CNKSR3: variants seen among roughly 807,000 people sequenced by gnomAD.
CNKSR3 encodes CNKSR family member 3.
Under a neutral mutation model 67.7 loss-of-function variants are expected in CNKSR3, and 36 were observed. The observed-to-expected ratio is 0.53, with a 90% CI of 0.41 to 0.70. The LOEUF (loss-of-function observed/expected upper bound fraction) is 0.70, where lower values mean the gene tolerates loss of function less well. Ranked by LOEUF, CNKSR3 falls within the 30% of genes least tolerant of loss-of-function variation. The pLI is 0.00. For synonymous variants in CNKSR3, 281 were observed against 271.4 expected (o/e 1.04, Z -0.35); for missense variants, 630 against 695.2 (o/e 0.91, Z 1.05).
At chr6:154,450,393 A>G (rs1267378141) in intron 1 of CNKSR3, 135 bp from the exon 2 acceptor site, 2 of 838,376 alleles carry the variant, frequency 2.4e-6, no homozygotes, top group Admixed American at 2.8e-5. Context: ...TGTGAGGCCT[A>G]TTGCACCTGA....
At chr6:154,506,326 T>A (rs902246465) in intron 1 of CNKSR3, among the ~76,000 whole-genome samples, 1 of 150,592 alleles carries the variant, frequency 6.6e-6, no homozygotes, top group Admixed American at 6.6e-5. Context: ...AAGGAGGTAG[T>A]GAGGGAGGGA....
chr6:154,396,862 C>CAA lies in CNKSR3; in HGVS notation c.*9490_*9491dup, dbSNP rs1784666099. The CAA allele has an allele frequency of 6.6e-6, 1 of 151,074 alleles. No homozygotes were observed. The highest frequency in any genetic ancestry group is 2.4e-5 in the African/African-American group (1 of 41,040). 9.4% of individuals were successfully genotyped at this position (151,074 alleles called of 1,614,324 possible). On this transcript the variant is annotated 3_prime_UTR_variant, in exon 13 of 13. Coordinates refer to ENST00000607772, the MANE Select transcript of CNKSR3 (RefSeq NM_173515.4). ...TCTCCCAGGCTGGAGTGCAGTGGCG[C>CAA]AATCTCGGCTCACTGCAAGTTGCGC...
intron 4 of CNKSR3, 123 bp downstream of exon 4, chr6:154,441,169 A>G (rs1785572461): frequency 3.2e-6 from 2 of 632,536 alleles, no homozygotes; most frequent in African/African-American, 1.9e-5. Flanking sequence ...GCTCTGATGG[A>G]AAAAAAACTG....
chr6:154,415,966 G>C (rs375618570), intron 9 of CNKSR3, among the ~76,000 whole-genome samples: 1 of 152,152 alleles, frequency 6.6e-6, no homozygotes, highest in Non-Finnish European at 1.5e-5. Context: ...ACTGTGCCAA[G>C]CCCTGGGCAG....
chr6:154,436,223 G>C (rs371196741), intron 4 of CNKSR3, among the ~76,000 whole-genome samples: 1 of 152,228 alleles, frequency 6.6e-6, no homozygotes, highest in Non-Finnish European at 1.5e-5. Context: ...CCAGGCTGCA[G>C]TGCAGTGGCA....
At chr6:154,436,843 C>T (rs1785481264) in intron 4 of CNKSR3, among the ~76,000 whole-genome samples, 1 of 152,122 alleles carries the variant, frequency 6.6e-6, no homozygotes, top group African/African-American at 2.4e-5. Context: ...GAAGATCTAT[C>T]CTTGTACTTG....
At chr6:154,455,746 A>T (rs1785939642) in intron 1 of CNKSR3, among the ~76,000 whole-genome samples, 1 of 152,208 alleles carries the variant, frequency 6.6e-6, no homozygotes, top group African/African-American at 2.4e-5. Flanking sequence ...TATACAAATA[A>T]GCAACTAAAC....
chr6:154,420,213 A>G (rs1323327699), intron 9 of CNKSR3, among the ~76,000 whole-genome samples: 1 of 131,036 alleles, frequency 7.6e-6, no homozygotes, highest in African/African-American at 3.0e-5. Flanking sequence ...GATCTCACTT[A>G]TATGTGGAAT....
At chr6:154,442,741 C>G (rs1785626201) in intron 2 of CNKSR3, among the ~76,000 whole-genome samples, 1 of 152,178 alleles carries the variant, frequency 6.6e-6, no homozygotes, top group Admixed American at 6.5e-5. Context: ...GATCTATCCC[C>G]AGCCCACTTC....
chr6:154,504,279 C>T (rs570660724), intron 1 of CNKSR3, among the ~76,000 whole-genome samples: 1 of 152,352 alleles, frequency 6.6e-6, no homozygotes, highest in South Asian at 2.1e-4. Context: ...AGTTCTGCCC[C>T]GGATCCTCTG....
At position 154,406,239 on chromosome 6, in the gene CNKSR3, A is replaced by G. The variant is rs112354497; in HGVS notation, c.*115T>C. 3 of 980,906 alleles carry G rather than the reference A, an allele frequency of 3.1e-6. No homozygotes were observed. The highest frequency in any genetic ancestry group is 5.3e-5 in the East Asian group (2 of 37,976). The allele number at this position is 980,906 out of a possible 1,614,324, so 60.8% of individuals were successfully genotyped here. On this transcript the variant is annotated 3_prime_UTR_variant, in exon 13 of 13. Transcript: ENST00000607772. Reference sequence around the variant, plus strand: ...CAGTAGATAACTTTTCAAAAGAAAAAGAAATTGCATAAGGTCCCTACATAA... The same window carrying G: ...CAGTAGATAACTTTTCAAAAGAAAAGGAAATTGCATAAGGTCCCTACATAA...
chr6:154,390,059 T>C lies in CNKSR3; in HGVS notation c.*16295A>G, dbSNP rs1000106523. ...ATCATCAGTCCACACATATCCCTCT[T>C]TTATTTCATTTCATTTTGAAAATAA... is the stretch of plus-strand genomic sequence containing the variant. On this transcript the variant is annotated 3_prime_UTR_variant, in exon 13 of 13. Coordinates refer to ENST00000607772, the MANE Select transcript of CNKSR3 (RefSeq NM_173515.4). 6.6e-6 allele frequency: 1 copy of C among 152,210 alleles called. No individual in the cohort carries two copies. The highest frequency in any genetic ancestry group is 1.5e-5 in the Non-Finnish European group (1 of 68,026). The allele number at this position is 152,210 out of a possible 1,614,324, so 9.4% of individuals were successfully genotyped here. A position where few individuals can be genotyped will look rare whatever the true frequency, so the allele number is the denominator to read the frequency against.
chr6:154,474,434 G>T (rs1187502860), intron 1 of CNKSR3, among the ~76,000 whole-genome samples: 1 of 151,212 alleles, frequency 6.6e-6, no homozygotes, highest in South Asian at 2.1e-4. Flanking sequence ...AGTGGGGGGG[G>T]GCAATATAAA....
chr6:154,498,671 G>A (rs1786924774), intron 1 of CNKSR3, among the ~76,000 whole-genome samples: 1 of 152,152 alleles, frequency 6.6e-6, no homozygotes. Flanking sequence ...CTGGTCTTTG[G>A]TGTTCACTTC....
At chr6:154,453,135 T>G (rs374742388) in intron 1 of CNKSR3, among the ~76,000 whole-genome samples, 1 of 152,260 alleles carries the variant, frequency 6.6e-6, no homozygotes, top group Non-Finnish European at 1.5e-5. Flanking sequence ...TTCGTTTTCA[T>G]GTACAGCATA....
At chr6:154,424,193 T>C (rs1174629175) in intron 7 of CNKSR3, among the ~76,000 whole-genome samples, 1 of 139,820 alleles carries the variant, frequency 7.2e-6, no homozygotes, top group African/African-American at 2.7e-5. Flanking sequence ...ATCGCGCCAC[T>C]GCACTCCAGC....
rs1562313716 is a variant in CNKSR3 at position 154,399,042 on chromosome 6, G to T, written c.*7312C>A. The T allele has an allele frequency of 6.6e-6, 1 of 150,590 alleles. No homozygotes were observed. The highest frequency in any genetic ancestry group is 6.6e-5 in the Admixed American group (1 of 15,092). 9.3% of individuals were successfully genotyped at this position (150,590 alleles called of 1,614,324 possible). A position where few individuals can be genotyped will look rare whatever the true frequency, so the allele number is the denominator to read the frequency against. ...TGCGGTGAGCCAAGATCGTACCATTGCACTCCAGCCTGGGCAACAAGACTG... is the reference window on the plus strand; with the variant it reads ...TGCGGTGAGCCAAGATCGTACCATTTCACTCCAGCCTGGGCAACAAGACTG... On this transcript the variant is annotated 3_prime_UTR_variant, in exon 13 of 13. Coordinates refer to ENST00000607772, the MANE Select transcript of CNKSR3 (RefSeq NM_173515.4).
chr6:154,459,588 G>C (rs1786036639), intron 1 of CNKSR3, among the ~76,000 whole-genome samples: 1 of 152,234 alleles, frequency 6.6e-6, no homozygotes, highest in Non-Finnish European at 1.5e-5. Context: ...AAAACAGGTG[G>C]AATGGAAGGA....
chr6:154,428,945 A>G (rs745311615), intron 6 of CNKSR3, among the ~76,000 whole-genome samples: 80 of 152,358 alleles, frequency 5.3e-4, no homozygotes, highest in Admixed American at 1.3e-3. Flanking sequence ...AGATATATGA[A>G]CAAAGATTGT....
Sources: allele counts gnomAD v4.1 joint callset (sites outside exome capture counted in the v4.1 genomes callset), GRCh38; gene constraint gnomAD v4.1.1; transcripts MANE v1.5; gene names NCBI Gene and HGNC (gene_info 2026-07-23, HGNC 2026-07-21).